Variants in STX3 observed in about 807,000 individuals in gnomAD.
STX3 encodes syntaxin-3.
Under a neutral mutation model 40.2 loss-of-function variants are expected in STX3, and 19 were observed. The observed-to-expected ratio is 0.47, with a 90% confidence interval of 0.33 to 0.69. The LOEUF (loss-of-function observed/expected upper bound fraction) is 0.69, where lower values mean the gene tolerates loss of function less well. Ranked by LOEUF, STX3 falls within the 30% of genes least tolerant of loss-of-function variation. The pLI is 0.02. For synonymous variants in STX3, 122 were observed against 132.2 expected (o/e 0.92, Z 0.53); for missense variants, 364 against 366.7 (o/e 0.99, Z 0.06).
At chr11:59,778,714 C>G (rs1309504469) in intron 2 of STX3, among the ~76,000 whole-genome samples, 3 of 152,058 alleles carry the variant, frequency 2.0e-5, no homozygotes, top group Non-Finnish European at 4.4e-5. Context: ...ATTGAAAGCT[C>G]TAAGAAGTCC....
intron 2 of STX3, among the ~76,000 whole-genome samples, chr11:59,776,969 G>T (rs149741631): frequency 1.3e-5 from 2 of 152,308 alleles, no homozygotes; most frequent in African/African-American, 2.4e-5. Flanking sequence ...AACATTAGGG[G>T]TTTATTTTTC....
At chr11:59,797,207 G>A in intron 9 of STX3, 76 bp from the exon 10 acceptor site, 1 of 1,106,594 alleles carries the variant, frequency 9.0e-7, no homozygotes, top group Non-Finnish European at 1.4e-6. Flanking sequence ...GGTGACAGGG[G>A]TTAGGTTTTG....
intron 1 of STX3, among the ~76,000 whole-genome samples, chr11:59,756,564 G>C (rs1862727868): frequency 6.6e-6 from 1 of 152,178 alleles, no homozygotes; most frequent in African/African-American, 2.4e-5. Flanking sequence ...CTTGTTACAA[G>C]TGTAGCAGCT....
Position 59,804,124 on chromosome 11 carries a change from G to A in STX3, c.*3300G>A, listed in dbSNP as rs1482928724. The A allele has an allele frequency of 6.7e-6, 1 of 150,030 alleles. No homozygotes were observed. Among genetic ancestry groups the A allele is most frequent in the Non-Finnish European group, 1.5e-5 (1 of 68,042 alleles). The allele number at this position is 150,030 out of a possible 1,614,324, so 9.3% of individuals were successfully genotyped here. A position where few individuals can be genotyped will look rare whatever the true frequency, so the allele number is the denominator to read the frequency against. ...AGCAGAGTGGGCGCCTCTTTAGGAA[G>A]TGACACAGCCTGCATGTGCAGTATG... On this transcript the variant is annotated 3_prime_UTR_variant, in exon 11 of 11. Transcript: ENST00000337979.
At position 59,787,088 on chromosome 11, in the gene STX3, G is replaced by T. The variant is rs1296640781; in HGVS notation, c.166G>T (p.Ala56Ser). The part of the protein sequence containing the change: ...IDKISEHVEE[A>S]KKLYSIILSA... ...CAAGATCTCAGAACATGTAGAGGAG[G>T]CTAAGAAACTCTACAGTATCATTCT... The change falls in exon 3 of 11, where the codon GCT becomes TCT. Residue 56 changes from alanine (A) to serine (S), a missense_variant. Transcript: ENST00000337979. The T allele has an allele frequency of 6.2e-7, 1 of 1,614,156 alleles. No individual in the cohort carries two copies. The highest frequency in any genetic ancestry group is 8.5e-7 in the Non-Finnish European group (1 of 1,180,018).
chr11:59,769,791 A>G (rs922728909), intron 1 of STX3, among the ~76,000 whole-genome samples: 3 of 151,598 alleles, frequency 2.0e-5, no homozygotes, highest in Middle Eastern at 3.4e-3. Flanking sequence ...TTTCCTTAAC[A>G]CGTGTTTGAA....
At chr11:59,777,473 G>T (rs904531204) in intron 2 of STX3, among the ~76,000 whole-genome samples, 5 of 152,214 alleles carry the variant, frequency 3.3e-5, no homozygotes, top group African/African-American at 1.2e-4. Context: ...TTTGTGGAGG[G>T]TGCGAAAGAC....
Position 59,786,904 on chromosome 11 carries a change from C to CT in STX3, c.115-130dup, listed in dbSNP as rs1195752780. On this transcript the variant is annotated intron_variant, in intron 2 of 10. Transcript: ENST00000337979. ...AGGGTACTCACTGGGCAGCTGAGGA[C>CT]TTTAAGTCATTATCTTCTTCCACAA... 20 of 705,746 alleles carry CT rather than the reference C, an allele frequency of 2.8e-5. No individual in the cohort carries two copies. In the African/African-American group the frequency reaches 2.9e-4, roughly 10 times the overall value. 43.7% of individuals were successfully genotyped at this position (705,746 alleles called of 1,614,324 possible).
chr11:59,797,442 A>T, intron 10 of STX3, 46 bp downstream of exon 10: 1 of 1,378,262 alleles, frequency 7.3e-7, no homozygotes, highest in South Asian at 1.2e-5. Flanking sequence ...TGGCTCCTCA[A>T]GAGGAAATTA....
At chr11:59,781,374 A>C (rs570488728) in intron 2 of STX3, 2 of 1,597,788 alleles carry the variant, frequency 1.3e-6, no homozygotes, top group Non-Finnish European at 1.7e-6. Flanking sequence ...CTCCACCACT[A>C]ATTTCCCATC....
chr11:59,798,943 G>A (rs576867343), intron 10 of STX3, among the ~76,000 whole-genome samples: 18 of 152,272 alleles, frequency 1.2e-4, no homozygotes, highest in African/African-American at 3.4e-4. Context: ...AGGCTGGAGC[G>A]CAGTGGTGCG....
intron 2 of STX3, among the ~76,000 whole-genome samples, chr11:59,774,558 C>T (rs1046552050): frequency 2.6e-5 from 4 of 152,070 alleles, no homozygotes; most frequent in African/African-American, 4.8e-5. Flanking sequence ...ACAGGCCAGG[C>T]GTGGTGGCTC....
chr11:59,774,719 T>C (rs1590777423), intron 2 of STX3, among the ~76,000 whole-genome samples: 1 of 152,120 alleles, frequency 6.6e-6, no homozygotes, highest in East Asian at 1.9e-4. Context: ...TAATCCCAGC[T>C]ACCCGAGAGG....
rs1045663069 is a variant in STX3 at position 59,802,558 on chromosome 11, C to G, written c.*1734C>G. On this transcript the variant is annotated 3_prime_UTR_variant, in exon 11 of 11. Transcript: ENST00000337979. ...AACAAGAGACAAAATAACTAAAGGCCTTTGCTCTCCTCTGACATTGAGGCC... is the reference window on the plus strand; with the variant it reads ...AACAAGAGACAAAATAACTAAAGGCGTTTGCTCTCCTCTGACATTGAGGCC... The G allele has an allele frequency of 3.6e-5, 35 of 985,732 alleles. No homozygotes were observed. The highest frequency in any genetic ancestry group is 4.2e-5 in the Non-Finnish European group (35 of 829,950). 61.1% of individuals were successfully genotyped at this position (985,732 alleles called of 1,614,324 possible).
intron 2 of STX3, among the ~76,000 whole-genome samples, chr11:59,782,629 T>A (rs1302797175): frequency 6.6e-6 from 1 of 152,176 alleles, no homozygotes; most frequent in Non-Finnish European, 1.5e-5. Context: ...AACTGGAACC[T>A]GGTCTGTTTG....
chr11:59,778,915 G>A (rs1864175052), intron 2 of STX3, among the ~76,000 whole-genome samples: 1 of 147,414 alleles, frequency 6.8e-6, no homozygotes, highest in African/African-American at 2.5e-5. Context: ...GCTCACTGCA[G>A]CCTCCGCCTC....
rs549336687 is a variant in STX3 at position 59,790,571 on chromosome 11, G to A, written c.342G>A (p.Arg114=). The part of the protein sequence containing the change: ...EDEVRSSADL[R]IRKSQHSVLS... ...AGGTCAGGTCATCGGCAGACCTTCGGATTCGGAAATCCCAGGTAAGACTTT... is the reference window on the plus strand; with the variant it reads ...AGGTCAGGTCATCGGCAGACCTTCGAATTCGGAAATCCCAGGTAAGACTTT... The change falls in exon 5 of 11, where the codon CGG becomes CGA. Residue 114 remains arginine, a synonymous_variant. Transcript: ENST00000337979. 13 of 1,613,952 alleles carry A rather than the reference G, an allele frequency of 8.1e-6. No homozygotes were observed. The South Asian group carries it at 8.8e-5, about 11-fold the overall frequency.
intron 9 of STX3, among the ~76,000 whole-genome samples, chr11:59,796,482 CA>C (rs1160247689): frequency 6.6e-6 from 1 of 152,166 alleles, no homozygotes; most frequent in East Asian, 1.9e-4. Context: ...ATTGCTTATG[CA>C]GGGATTTAGG....
intron 1 of STX3, among the ~76,000 whole-genome samples, chr11:59,772,478 A>G (rs1411974836): frequency 6.6e-6 from 1 of 152,196 alleles, no homozygotes; most frequent in East Asian, 1.9e-4. Context: ...GGAGCTTCTG[A>G]CAGGGAGTGA....
Sources: gnomAD v4.1 joint callset for allele counts (sites outside exome capture counted in the v4.1 genomes callset) on GRCh38, gnomAD v4.1.1 for gene constraint, MANE v1.5 for transcripts, NCBI Gene and HGNC (gene_info 2026-07-23, HGNC 2026-07-21) for gene names.